Variants in TMEM131 observed in about 807,000 individuals in gnomAD.
TMEM131 encodes the protein 2610524E03Rik.
Under a neutral mutation model 211.6 loss-of-function variants are expected in TMEM131, and 66 were observed. The observed-to-expected ratio is 0.31, with a 90% confidence interval of 0.26 to 0.38. The LOEUF is 0.38. Among genes scored for constraint, TMEM131 ranks in the 10% least tolerant of loss-of-function variants. The probability of loss-of-function intolerance (pLI) is 1.00; values close to 1 mark genes in which losing one functional copy is unlikely to be tolerated. For synonymous variants in TMEM131, 844 were observed against 841.3 expected (o/e 1.00, Z -0.06); for missense variants, 2,036 against 2,299.3 (o/e 0.89, Z 2.34).
intron 1 of TMEM131, among the ~76,000 whole-genome samples, chr2:97,985,916 G>T (rs1394641820): frequency 6.6e-6 from 1 of 151,656 alleles, no homozygotes; most frequent in African/African-American, 2.4e-5. Flanking sequence ...ATCTTTAGGG[G>T]TGTTAAGGTA....
chr2:97,836,478 A>ATGTT (rs1457576841), intron 8 of TMEM131, among the ~76,000 whole-genome samples: 2 of 152,190 alleles, frequency 1.3e-5, no homozygotes, highest in African/African-American at 4.8e-5. Flanking sequence ...CATTTTTAAA[A>ATGTT]CTCACAAATG....
chr2:97,828,395 A>T (rs1034511596), intron 11 of TMEM131, among the ~76,000 whole-genome samples: 4 of 152,226 alleles, frequency 2.6e-5, no homozygotes, highest in Admixed American at 1.3e-4. Context: ...ATCTTATGGA[A>T]ATCAGACATA....
chr2:97,932,630 A>T (rs1033763305), intron 1 of TMEM131, among the ~76,000 whole-genome samples: 4 of 152,196 alleles, frequency 2.6e-5, no homozygotes, highest in African/African-American at 9.7e-5. Flanking sequence ...ACCTTATCCT[A>T]AAGAATCTAA....
chr2:97,967,811 C>G (rs1679121723), intron 1 of TMEM131, among the ~76,000 whole-genome samples: 2 of 152,056 alleles, frequency 1.3e-5, no homozygotes, highest in Non-Finnish European at 1.5e-5. Context: ...GCACTAGAGC[C>G]TCGATGCTCT....
chr2:97,904,671 C>T (rs1675993817), intron 3 of TMEM131, among the ~76,000 whole-genome samples: 1 of 152,004 alleles, frequency 6.6e-6, no homozygotes, highest in African/African-American at 2.4e-5. Flanking sequence ...TGCCATATTG[C>T]CATTTGTTTT....
At chr2:97,768,857 CTGGGATTACAG>C (rs1679320898) in intron 33 of TMEM131, among the ~76,000 whole-genome samples, 1 of 151,112 alleles carries the variant, frequency 6.6e-6, no homozygotes, top group African/African-American at 2.4e-5. Flanking sequence ...TCCCAAAGTG[CTGGGATTACAG>C]TGGGATTACA....
chr2:97,909,362 A>G (rs1676203802), intron 2 of TMEM131, among the ~76,000 whole-genome samples: 1 of 152,060 alleles, frequency 6.6e-6, no homozygotes, highest in Admixed American at 6.6e-5. Flanking sequence ...GCTGGGAGAG[A>G]AGGAGAAAAT....
intron 1 of TMEM131, among the ~76,000 whole-genome samples, chr2:97,988,803 A>G (rs1032194075): frequency 6.6e-6 from 1 of 152,250 alleles, no homozygotes; most frequent in African/African-American, 2.4e-5. Flanking sequence ...ATCCTTGTGC[A>G]TTATTCACGG....
At chr2:97,952,072 G>A (rs1678344755) in intron 1 of TMEM131, among the ~76,000 whole-genome samples, 2 of 151,764 alleles carry the variant, frequency 1.3e-5, no homozygotes, top group South Asian at 2.1e-4. Flanking sequence ...CAGGAGAATC[G>A]CTTGAACCCG....
chr2:97,962,948 C>T (rs1048097151), intron 1 of TMEM131, among the ~76,000 whole-genome samples: 4 of 152,136 alleles, frequency 2.6e-5, no homozygotes, highest in Non-Finnish European at 4.4e-5. Flanking sequence ...TTCTAGACCA[C>T]GCAGCAGCTA....
Position 97,796,415 on chromosome 2 carries a change from A to T in TMEM131, c.3014-11T>A. On this transcript the variant is annotated splice_polypyrimidine_tract_variant and intron_variant, in intron 27 of 40. Coordinates refer to ENST00000186436, the MANE Select transcript of TMEM131 (RefSeq NM_015348.2). ...CTCTTAGTTTTAAACCTAAAGGATA[A>T]AAAATCAGGAATAAGACTAAATCTT... The T allele has an allele frequency of 1.4e-6, 2 of 1,468,982 alleles. No homozygotes were observed. The highest frequency in any genetic ancestry group is 1.8e-6 in the Non-Finnish European group (2 of 1,096,530). The allele number at this position is 1,468,982 out of a possible 1,614,324, so 91.0% of individuals were successfully genotyped here.
intron 15 of TMEM131, among the ~76,000 whole-genome samples, chr2:97,813,353 A>G (rs1270767429): frequency 2.0e-5 from 3 of 152,188 alleles, no homozygotes; most frequent in African/African-American, 7.2e-5. Flanking sequence ...AAAGGGCTAC[A>G]TTTCTAGATG....
intron 4 of TMEM131, among the ~76,000 whole-genome samples, chr2:97,870,998 T>C (rs1037138187): frequency 2.0e-5 from 3 of 152,198 alleles, no homozygotes; most frequent in Non-Finnish European, 4.4e-5. Context: ...CAGAGAAAAA[T>C]GCCTTTCATA....
intron 3 of TMEM131, among the ~76,000 whole-genome samples, chr2:97,897,359 TAGAA>T (rs1362738456): frequency 2.0e-5 from 3 of 152,094 alleles, no homozygotes; most frequent in Non-Finnish European, 1.5e-5. Flanking sequence ...TTCCCAATCT[TAGAA>T]AGAAAGCATT....
intron 3 of TMEM131, among the ~76,000 whole-genome samples, chr2:97,902,640 T>C (rs942425165): frequency 5.3e-5 from 8 of 152,204 alleles, no homozygotes; most frequent in African/African-American, 1.7e-4. Context: ...TGATGGTTAA[T>C]ACTGAGTGTT....
chr2:97,952,940 T>C (rs1196413708), intron 1 of TMEM131, among the ~76,000 whole-genome samples: 4 of 152,240 alleles, frequency 2.6e-5, no homozygotes, highest in East Asian at 1.9e-4. Context: ...ATGAATGCTA[T>C]AACCAGCAAA....
At chr2:97,875,863 A>C (rs1674671536) in intron 4 of TMEM131, among the ~76,000 whole-genome samples, 1 of 152,352 alleles carries the variant, frequency 6.6e-6, no homozygotes, top group South Asian at 2.1e-4. Flanking sequence ...GAAATAACTA[A>C]GATCAGGGCA....
chr2:97,860,975 T>C (rs994048369), intron 4 of TMEM131, among the ~76,000 whole-genome samples: 4 of 152,136 alleles, frequency 2.6e-5, no homozygotes, highest in African/African-American at 9.7e-5. Context: ...AGAGAGAGTC[T>C]GTGCACTTGG....
chr2:97,838,038 CTT>C (rs1683012706), intron 7 of TMEM131, among the ~76,000 whole-genome samples: 1 of 152,182 alleles, frequency 6.6e-6, no homozygotes, highest in Non-Finnish European at 1.5e-5. Context: ...AGGTCTACCA[CTT>C]TGTTTATGCA....
Sources: gnomAD v4.1 joint callset for allele counts (sites outside exome capture counted in the v4.1 genomes callset) on GRCh38, gnomAD v4.1.1 for gene constraint, MANE v1.5 for transcripts, NCBI Gene and HGNC (gene_info 2026-07-23, HGNC 2026-07-21) for gene names.